Variants in RNF150 observed in about 807,000 individuals in gnomAD.
RNF150 encodes ring finger protein 150.
A neutral mutation model predicts 39.3 loss-of-function variants in RNF150; 24 were observed. The ratio of observed to expected loss-of-function variants is 0.61; its 90% CI spans 0.44 to 0.86. The LOEUF (loss-of-function observed/expected upper bound fraction) is 0.86, where lower values mean the gene tolerates loss of function less well. Ranked by LOEUF, RNF150 falls within the 40% of genes least tolerant of loss-of-function variation. The probability of loss-of-function intolerance (pLI) is 0.00; values close to 1 mark genes in which losing one functional copy is unlikely to be tolerated. For synonymous variants in RNF150, 255 were observed against 227.3 expected, an observed-to-expected ratio of 1.12 and a Z score of -1.10; for missense variants, 502 against 587.8, an observed-to-expected ratio of 0.85 and a Z score of 1.51.
chr4:141,108,620 A>G lies in RNF150; in HGVS notation c.484+23705T>C, dbSNP rs573490674. Among the ~76,000 whole-genome samples the G allele has an allele frequency of 5.3e-5, 8 of 152,346 alleles. No homozygotes were observed. In the East Asian group the frequency reaches 1.3e-3, roughly 26 times the overall value. Reference sequence around the variant, plus strand: ...TATACCATGTCAAAGTTGTGATAACATATTTTTCTGTGTACATAAAATATT... The same window carrying G: ...TATACCATGTCAAAGTTGTGATAACGTATTTTTCTGTGTACATAAAATATT... On this transcript the variant is annotated intron_variant, in intron 1 of 6. Coordinates refer to ENST00000515673, the MANE Select transcript of RNF150 (RefSeq NM_020724.2).
chr4:141,004,483 T>G (rs529869637), intron 1 of RNF150, among the ~76,000 whole-genome samples: 1 of 152,298 alleles, frequency 6.6e-6, no homozygotes, highest in East Asian at 1.9e-4. Flanking sequence ...TCTCGAACTC[T>G]AAAGTCTATA....
chr4:141,026,949 T>C (rs564060931), intron 1 of RNF150, among the ~76,000 whole-genome samples: 3 of 152,310 alleles, frequency 2.0e-5, no homozygotes, highest in African/African-American at 2.4e-5. Context: ...GTAATGCCTC[T>C]TGGCTTCAGA....
At chr4:140,896,707 AACAAAC>A (rs1560953151) in intron 6 of RNF150, among the ~76,000 whole-genome samples, 11 of 88,262 alleles carry the variant, frequency 1.2e-4, no homozygotes, top group East Asian at 1.6e-3. Flanking sequence ...AAAACAAAAA[AACAAAC>A]AAACAAACAA....
chr4:141,100,578 C>T (rs1318308103), intron 1 of RNF150, among the ~76,000 whole-genome samples: 1 of 152,140 alleles, frequency 6.6e-6, no homozygotes, highest in Non-Finnish European at 1.5e-5. Flanking sequence ...CCATTTTTAA[C>T]ATTTGCTCAG....
At chr4:140,988,724 C>T (rs181447962) in intron 1 of RNF150, among the ~76,000 whole-genome samples, 1 of 149,560 alleles carries the variant, frequency 6.7e-6, no homozygotes, top group East Asian at 2.0e-4. Context: ...TGCAGCACTA[C>T]TCACTATAGC....
intron 4 of RNF150, among the ~76,000 whole-genome samples, chr4:140,937,857 T>C (rs1012788590): frequency 1.3e-5 from 2 of 152,148 alleles, no homozygotes; most frequent in African/African-American, 4.8e-5. Flanking sequence ...ATAAATAGAT[T>C]GACCAATTCA....
At chr4:140,893,105 A>G (rs1729815982) in intron 6 of RNF150, among the ~76,000 whole-genome samples, 2 of 152,078 alleles carry the variant, frequency 1.3e-5, no homozygotes, top group Non-Finnish European at 2.9e-5. Flanking sequence ...TGTTGCCACC[A>G]TGACCACCCC....
chr4:141,156,734 T>A (rs1485198604), intron 1 of RNF150, among the ~76,000 whole-genome samples: 37 of 96,628 alleles, frequency 3.8e-4, no homozygotes, highest in South Asian at 8.4e-4. Flanking sequence ...TCTCTACTAC[T>A]AAAAAAAAAA....
intron 6 of RNF150, among the ~76,000 whole-genome samples, chr4:140,893,091 G>T (rs1252144719): frequency 6.6e-6 from 1 of 152,016 alleles, no homozygotes; most frequent in Non-Finnish European, 1.5e-5. Context: ...AGGTCTGAGG[G>T]TAGTGTTGCC....
intron 5 of RNF150, among the ~76,000 whole-genome samples, chr4:140,923,862 G>C (rs1048867594): frequency 4.6e-5 from 7 of 151,960 alleles, no homozygotes; most frequent in African/African-American, 1.5e-4. Context: ...TCAGCAAACT[G>C]TTGCAAGGAC....
chr4:141,019,939 C>G (rs1288856440), intron 1 of RNF150, among the ~76,000 whole-genome samples: 1 of 152,110 alleles, frequency 6.6e-6, no homozygotes, highest in African/African-American at 2.4e-5. Context: ...AAGTACAATA[C>G]AAACGTCTGG....
chr4:140,898,436 T>C (rs527533739), intron 6 of RNF150, among the ~76,000 whole-genome samples: 1 of 152,216 alleles, frequency 6.6e-6, no homozygotes, highest in South Asian at 2.1e-4. Context: ...CTGAGTAACA[T>C]GTATGTATGC....
intron 1 of RNF150, among the ~76,000 whole-genome samples, chr4:140,999,635 T>C (rs1734501013): frequency 6.6e-6 from 1 of 152,096 alleles, no homozygotes; most frequent in African/African-American, 2.4e-5. Context: ...TACTTAACTT[T>C]AGAAGAACAC....
chr4:141,149,171 T>C (rs1288133742), intron 1 of RNF150, among the ~76,000 whole-genome samples: 1 of 152,206 alleles, frequency 6.6e-6, no homozygotes, highest in Non-Finnish European at 1.5e-5. Context: ...TATAAGCATA[T>C]TAATTATCAG....
At chr4:140,976,089 A>G (rs571808709) in intron 1 of RNF150, among the ~76,000 whole-genome samples, 24 of 152,192 alleles carry the variant, frequency 1.6e-4, no homozygotes, top group African/African-American at 5.5e-4. Flanking sequence ...CGGCTTTCCT[A>G]TGAAGACACT....
intron 1 of RNF150, chr4:141,053,794 C>CT: frequency 1.2e-6 from 1 of 830,732 alleles, no homozygotes; most frequent in South Asian, 3.5e-5. Flanking sequence ...ATTTCCTCTG[C>CT]TAAAGCTATC....
intron 1 of RNF150, among the ~76,000 whole-genome samples, chr4:141,206,280 A>G (rs376868236): frequency 6.6e-6 from 1 of 152,080 alleles, no homozygotes; most frequent in East Asian, 1.9e-4. Flanking sequence ...TTAGCCAGGC[A>G]TGGTGGCAGG....
chr4:141,010,361 CAG>C (rs1325071462), intron 1 of RNF150, among the ~76,000 whole-genome samples: 3 of 152,158 alleles, frequency 2.0e-5, no homozygotes, highest in African/African-American at 7.2e-5. Flanking sequence ...CTTTTAATTT[CAG>C]AGTTTTGATT....
chr4:140,994,789 G>A (rs1734311059), intron 1 of RNF150, among the ~76,000 whole-genome samples: 1 of 152,120 alleles, frequency 6.6e-6, no homozygotes, highest in South Asian at 2.1e-4. Context: ...GTGTTCCCTG[G>A]ACCATCTGGA....
Sources: gnomAD v4.1 joint callset for allele counts (sites outside exome capture counted in the v4.1 genomes callset) on GRCh38, gnomAD v4.1.1 for gene constraint, MANE v1.5 for transcripts, NCBI Gene and HGNC (gene_info 2026-07-23, HGNC 2026-07-21) for gene names.